Variants in XKR9 observed in about 807,000 individuals in gnomAD.
XKR9 encodes the protein XK-related protein 9.
Under a neutral mutation model 32.0 loss-of-function variants are expected in XKR9, and 32 were observed. The ratio of observed to expected loss-of-function variants is 1.00; its 90% CI spans 0.76 to 1.34. The LOEUF is 1.34. Among genes scored for constraint, XKR9 ranks in the 40% most tolerant of loss-of-function variants. XKR9 has a pLI of 0.00. For missense variants in XKR9, 546 were observed against 429.7 expected (o/e 1.27, Z -2.39); for synonymous variants, 168 against 143.4 (o/e 1.17, Z -1.22).
intron 3 of XKR9, among the ~76,000 whole-genome samples, chr8:70,689,823 A>C (rs1183315612): frequency 6.6e-6 from 1 of 152,172 alleles, no homozygotes; most frequent in African/African-American, 2.4e-5. Context: ...GAAAACTAAT[A>C]TATATTTATG....
At chr8:70,933,005 G>T in the XKR9 span, among the ~76,000 whole-genome samples, 1 of 152,104 alleles carries the variant, frequency 6.6e-6, no homozygotes, top group Admixed American at 6.6e-5. Context: ...TTGTCTTCAA[G>T]TGTGTCCCTC....
chr8:70,794,823 T>TTGTGTGTGTGTGTGTGTGTG (rs56167343), downstream of XKR9, among the ~76,000 whole-genome samples: 266 of 147,674 alleles, frequency 1.8e-3, no homozygotes, highest in African/African-American at 4.7e-3. Flanking sequence ...TAGTCTTCTT[T>TTGTGTGTGTGTGTGTGTGTG]TGTGTGTGTG....
chr8:70,748,823 C>G (rs921305091), intron 2 of XKR9, among the ~76,000 whole-genome samples: 1 of 152,110 alleles, frequency 6.6e-6, no homozygotes, highest in East Asian at 1.9e-4. Flanking sequence ...GACCAATCAG[C>G]ATGCACTTCC....
chr8:70,733,600 G>C (rs1250726471), intron 4 of XKR9, among the ~76,000 whole-genome samples, 196 bp from the exon 5 acceptor site: 3 of 151,930 alleles, frequency 2.0e-5, no homozygotes, highest in Admixed American at 6.6e-5. Context: ...TTTGCAACTT[G>C]GGTCAAGCAG....
At chr8:70,922,562 G>C in the XKR9 span, among the ~76,000 whole-genome samples, 8 of 152,162 alleles carry the variant, frequency 5.3e-5, no homozygotes, top group Non-Finnish European at 7.3e-5. Context: ...TGGAGTGTTA[G>C]CATTGTTGAA....
At chr8:70,702,732 T>G (rs1805581789) in intron 3 of XKR9, among the ~76,000 whole-genome samples, 2 of 152,204 alleles carry the variant, frequency 1.3e-5, no homozygotes, top group African/African-American at 4.8e-5. Flanking sequence ...TCTGGGATAG[T>G]AATATAGCCA....
chr8:71,028,621 T>C, the XKR9 span, among the ~76,000 whole-genome samples: 1 of 152,190 alleles, frequency 6.6e-6, no homozygotes, highest in Non-Finnish European at 1.5e-5. Context: ...AGAGTGAATT[T>C]CAAATGTCCC....
the XKR9 span, among the ~76,000 whole-genome samples, chr8:70,964,712 G>T: frequency 9.9e-3 from 1,504 of 151,928 alleles, 23 homozygotes; most frequent in African/African-American, 0.034. Context: ...TCTCTTTGTA[G>T]CCTGAATGGG....
At chr8:70,854,721 A>G in the XKR9 span, among the ~76,000 whole-genome samples, 1 of 152,216 alleles carries the variant, frequency 6.6e-6, no homozygotes. Context: ...GAAAGGATCC[A>G]GTTTCAGCTT....
the XKR9 span, among the ~76,000 whole-genome samples, chr8:70,855,362 G>T: frequency 1.3e-5 from 2 of 152,128 alleles, no homozygotes; most frequent in African/African-American, 2.4e-5. Context: ...TCAATCAACT[G>T]GAAGAAAGGG....
At chr8:71,036,870 C>CTTTTTTTT in the XKR9 span, among the ~76,000 whole-genome samples, 1 of 135,452 alleles carries the variant, frequency 7.4e-6, no homozygotes, top group African/African-American at 2.8e-5. Context: ...GAGATTGCAC[C>CTTTTTTTT]TTTTTTTTTT....
the XKR9 span, among the ~76,000 whole-genome samples, chr8:70,857,268 A>G: frequency 1.3e-5 from 2 of 152,152 alleles, no homozygotes; most frequent in Non-Finnish European, 2.9e-5. Flanking sequence ...TCAAATAGAC[A>G]CAATAAAAAA....
chr8:70,979,977 T>A, the XKR9 span, among the ~76,000 whole-genome samples: 1 of 152,138 alleles, frequency 6.6e-6, no homozygotes, highest in East Asian at 1.9e-4. Context: ...TGGATGCCCC[T>A]CCCCCAGCCA....
chr8:70,900,925 T>G, the XKR9 span, among the ~76,000 whole-genome samples: 1 of 152,206 alleles, frequency 6.6e-6, no homozygotes, highest in East Asian at 1.9e-4. Context: ...TTTCTGTCCT[T>G]GCTATAGTTT....
At position 70,706,851 on chromosome 8, in the gene XKR9, T is replaced by C. The variant is rs965231056; in HGVS notation, c.273-82T>C. On this transcript the variant is annotated intron_variant, in intron 3 of 4. Transcript: ENST00000408926. ...ACTGTGTACTTAAAACACATATTCCTTTTTCCAAATTATTATGTGTATTAA... is the reference window on the plus strand; with the variant it reads ...ACTGTGTACTTAAAACACATATTCCCTTTTCCAAATTATTATGTGTATTAA... 4.2e-6 allele frequency: 5 copies of C among 1,186,778 alleles called. No homozygotes were observed. The African/African-American group carries it at 8.1e-5, about 19-fold the overall frequency. The allele number at this position is 1,186,778 out of a possible 1,614,324, so 73.5% of individuals were successfully genotyped here. A position where few individuals can be genotyped will look rare whatever the true frequency, so the allele number is the denominator to read the frequency against.
At chr8:70,902,749 A>G in the XKR9 span, among the ~76,000 whole-genome samples, 1 of 152,182 alleles carries the variant, frequency 6.6e-6, no homozygotes, top group Non-Finnish European at 1.5e-5. Flanking sequence ...ATTCAGTATG[A>G]TATTGGCTGT....
the XKR9 span, among the ~76,000 whole-genome samples, chr8:70,805,897 G>T: frequency 6.6e-6 from 1 of 152,128 alleles, no homozygotes; most frequent in Non-Finnish European, 1.5e-5. Flanking sequence ...CTCCACCAAG[G>T]GGCAGTGAAA....
At chr8:70,977,531 G>A in the XKR9 span, among the ~76,000 whole-genome samples, 1 of 152,202 alleles carries the variant, frequency 6.6e-6, no homozygotes, top group Non-Finnish European at 1.5e-5. Flanking sequence ...CAGTTTCCAT[G>A]TAATTGTGCA....
chr8:70,770,402 A>T (rs1465792916), intron 2 of XKR9, among the ~76,000 whole-genome samples: 1 of 152,090 alleles, frequency 6.6e-6, no homozygotes, highest in Non-Finnish European at 1.5e-5. Flanking sequence ...GGTCTCTTTC[A>T]GTCAGGAGGC....
Sources: allele counts gnomAD v4.1 joint callset (sites outside exome capture counted in the v4.1 genomes callset), GRCh38; gene constraint gnomAD v4.1.1; transcripts MANE v1.5; gene names NCBI Gene and HGNC (gene_info 2026-07-23, HGNC 2026-07-21).